AP2A2: variants seen among roughly 807,000 people sequenced by gnomAD.
AP2A2 encodes adaptor related protein complex 2 subunit alpha 2, also known as AP-2 complex subunit alpha-2.
AP2A2 carries 32 observed loss-of-function variants against 104.2 expected under a neutral mutation model. The observed-to-expected ratio is 0.31, with a 90% confidence interval of 0.23 to 0.41. The LOEUF (loss-of-function observed/expected upper bound fraction) is 0.41. Among genes scored for constraint, AP2A2 ranks in the 10% least tolerant of loss-of-function variants. The probability of loss-of-function intolerance (pLI) is 1.00; values close to 1 mark genes in which losing one functional copy is unlikely to be tolerated. For synonymous variants in AP2A2, 539 were observed against 533.3 expected, an observed-to-expected ratio of 1.01 and a Z score of -0.15; for missense variants, 912 against 1,261.0, an observed-to-expected ratio of 0.72 and a Z score of 4.19.
chr11:995,822 C>G, intron 14 of AP2A2, among the ~76,000 whole-genome samples: 1 of 141,850 alleles, frequency 7.0e-6, no homozygotes, highest in Non-Finnish European at 1.5e-5. Context: ...TTGTTTGTGG[C>G]ACGCTGCTGT....
At chr11:946,152 ACT>A in intron 1 of AP2A2, among the ~76,000 whole-genome samples, 1 of 152,230 alleles carries the variant, frequency 6.6e-6, no homozygotes, top group Non-Finnish European at 1.5e-5. Flanking sequence ...CGGTTGCGAC[ACT>A]CTGAGGAGCT....
At chr11:948,947 A>G (rs1429084028) in intron 1 of AP2A2, among the ~76,000 whole-genome samples, 1 of 152,022 alleles carries the variant, frequency 6.6e-6, no homozygotes, top group Non-Finnish European at 1.5e-5. Flanking sequence ...GAAAAGTCAC[A>G]CTTACTGAGC....
intron 16 of AP2A2, among the ~76,000 whole-genome samples, chr11:1,005,780 C>T (rs1856183388): frequency 1.3e-5 from 2 of 152,166 alleles, no homozygotes. Flanking sequence ...TGCCTTTAGT[C>T]CTGGTTTAAG....
chr11:1,007,022 G>A (rs919966357), intron 17 of AP2A2: 4 of 165,694 alleles, frequency 2.4e-5, no homozygotes, highest in South Asian at 1.9e-4. Context: ...CACCCCAGCC[G>A]AGCTTGTGTG....
At chr11:928,642 A>G (rs919915246) in intron 1 of AP2A2, among the ~76,000 whole-genome samples, 1 of 152,256 alleles carries the variant, frequency 6.6e-6, no homozygotes, top group Non-Finnish European at 1.5e-5. Flanking sequence ...GCATTGACAA[A>G]TGTGCCCTTA....
chr11:999,715 C>T (rs1182681658), intron 14 of AP2A2, among the ~76,000 whole-genome samples: 1 of 152,070 alleles, frequency 6.6e-6, no homozygotes, highest in Non-Finnish European at 1.5e-5. Flanking sequence ...ATTAATAATG[C>T]ACCCGAGTAA....
intron 1 of AP2A2, among the ~76,000 whole-genome samples, chr11:947,491 T>C (rs1385790142): frequency 3.9e-5 from 6 of 152,202 alleles, no homozygotes; most frequent in African/African-American, 1.4e-4. Context: ...AAAACTGGAT[T>C]GTTTTAAGTT....
chr11:949,542 C>T (rs370247175), intron 1 of AP2A2, among the ~76,000 whole-genome samples: 3 of 151,982 alleles, frequency 2.0e-5, no homozygotes, highest in South Asian at 2.1e-4. Flanking sequence ...TTTCGGAGGC[C>T]GAGGCGGGTG....
chr11:979,291 A>T (rs1338797203), intron 5 of AP2A2, among the ~76,000 whole-genome samples: 1 of 150,172 alleles, frequency 6.7e-6, no homozygotes. Context: ...GTGGGGAATG[A>T]CTCTGCCCTC....
At position 983,451 on chromosome 11, in the gene AP2A2, T is replaced by C. The variant is rs183963252; in HGVS notation, c.706-1194T>C. ...AGGCTGGAGTGCAGTGGCACGATCT[T>C]GGCTCACTACAAGCTCCGCCTCCTG... On this transcript the variant is annotated intron_variant, in intron 6 of 21. Coordinates refer to ENST00000448903, the MANE Select transcript of AP2A2 (RefSeq NM_012305.4). Among the ~76,000 whole-genome samples, 392 of 151,976 alleles carry C rather than the reference T, an allele frequency of 2.6e-3. 1 individual carries two copies. Among genetic ancestry groups the C allele is most frequent in the East Asian group, 0.014 (70 of 5,150 alleles).
chr11:926,112 G>A (rs1853110593), intron 1 of AP2A2, 24 bp downstream of exon 1: 51 of 1,256,744 alleles, frequency 4.1e-5, no homozygotes, highest in Non-Finnish European at 5.1e-5. Context: ...GCGGCGTGGG[G>A]CCGGGGCCGG....
intron 18 of AP2A2, chr11:1,008,497 GC>G: frequency 4.4e-6 from 1 of 229,004 alleles, no homozygotes. Context: ...GTTTCCTTCG[GC>G]CCCCTGGCCT....
At chr11:941,848 A>G (rs148140149) in intron 1 of AP2A2, among the ~76,000 whole-genome samples, 4,341 of 152,182 alleles carry the variant, frequency 0.029, 214 homozygotes, top group African/African-American at 0.097. Context: ...TGGCCTCCCA[A>G]AGTGGTGGGA....
intron 6 of AP2A2, among the ~76,000 whole-genome samples, chr11:981,599 T>G (rs1855244330): frequency 6.6e-6 from 1 of 152,270 alleles, no homozygotes; most frequent in South Asian, 2.1e-4. Flanking sequence ...CCATCTGGCG[T>G]GCACGCTAAA....
intron 2 of AP2A2, among the ~76,000 whole-genome samples, chr11:963,131 T>G (rs201119574): frequency 2.0e-5 from 3 of 151,492 alleles, no homozygotes; most frequent in African/African-American, 7.3e-5. Flanking sequence ...TTGTAATCAA[T>G]TGAAAAAAAA....
intron 4 of AP2A2, among the ~76,000 whole-genome samples, chr11:973,675 C>G (rs1854911043): frequency 7.0e-6 from 1 of 142,134 alleles, no homozygotes; most frequent in East Asian, 2.5e-4. Context: ...GATCACAGGG[C>G]GCTGGTGCAG....
At position 993,681 on chromosome 11, in the gene AP2A2, C is replaced by A; in HGVS notation, c.1551-73C>A. ...CAGGCCAGGGGGTCTCGCCGCCGTC[C>A]CCCCCCCGCGGGGGCGTGCTGCAGC... On this transcript the variant is annotated intron_variant, in intron 12 of 21. Coordinates refer to ENST00000448903, the MANE Select transcript of AP2A2 (RefSeq NM_012305.4). The surrounding 1 kb of genome is among the most constrained non-coding windows in gnomAD (Gnocchi z 8.2). 8.4e-7 allele frequency: 1 copy of A among 1,196,112 alleles called. No individual in the cohort carries two copies. Among genetic ancestry groups the A allele is most frequent in the Non-Finnish European group, 1.2e-6 (1 of 867,792 alleles). The allele number at this position is 1,196,112 out of a possible 1,614,324, so 74.1% of individuals were successfully genotyped here.
chr11:971,507 G>C (rs1490281524), intron 3 of AP2A2, among the ~76,000 whole-genome samples: 1 of 152,198 alleles, frequency 6.6e-6, no homozygotes, highest in Non-Finnish European at 1.5e-5. Flanking sequence ...TTTCCCTCCA[G>C]GTGGGGAGGG....
In AP2A2 at chr11:987,100, T is replaced by G. The variant is rs1393940483; in HGVS notation, c.1131+147T>G. The G allele has an allele frequency of 6.0e-6, 6 of 998,034 alleles. No homozygotes were observed. The African/African-American group carries it at 9.7e-5, about 16-fold the overall frequency. The allele number at this position is 998,034 out of a possible 1,614,324, so 61.8% of individuals were successfully genotyped here. ...GCTGGCCTCCGCCTGTCACCTACTC[T>G]TGGGAGGTCACACCACTGTTGAGGG... is the stretch of plus-strand genomic sequence containing the variant. On this transcript the variant is annotated intron_variant, in intron 9 of 21. Coordinates refer to ENST00000448903, the MANE Select transcript of AP2A2 (RefSeq NM_012305.4).
Sources: allele counts gnomAD v4.1 joint callset (sites outside exome capture counted in the v4.1 genomes callset), GRCh38; gene constraint gnomAD v4.1.1; non-coding constraint Gnocchi (gnomAD v3.1); transcripts MANE v1.5; gene names NCBI Gene and HGNC (gene_info 2026-07-23, HGNC 2026-07-21).